DMD: variants seen among roughly 807,000 people sequenced by gnomAD.
The protein encoded by DMD is dystrophin.
Under a neutral mutation model 330.1 loss-of-function variants are expected in DMD, and 63 were observed. The ratio of observed to expected loss-of-function variants is 0.19; its 90% confidence interval spans 0.16 to 0.24. The LOEUF (loss-of-function observed/expected upper bound fraction) is 0.24, where lower values mean the gene tolerates loss of function less well. DMD is among the 10% of genes least tolerant of loss of function. The pLI is 1.00. For synonymous variants in DMD, 1,223 were observed against 959.8 expected (o/e 1.27, Z -5.07); for missense variants, 3,344 against 2,684.1 (o/e 1.25, Z -5.43).
At chrX:31,738,079 G>A (rs2087009438) in intron 51 of DMD, among the ~76,000 whole-genome samples, 1 of 111,909 alleles carries the variant, frequency 8.9e-6, no homozygotes, top group Non-Finnish European at 1.9e-5. Flanking sequence ...GAGGCTATAG[G>A]AGCAAAGCTT....
At chrX:32,935,119 C>T (rs2089903470) in intron 2 of DMD, among the ~76,000 whole-genome samples, 2 of 112,379 alleles carry the variant, frequency 1.8e-5, no homozygotes, top group East Asian at 2.8e-4. Flanking sequence ...GCTGGGACTA[C>T]AGGCGCCCGC....
chrX:32,730,958 G>A (rs903975374), intron 7 of DMD, among the ~76,000 whole-genome samples: 46 of 111,799 alleles, frequency 4.1e-4, no homozygotes, highest in Non-Finnish European at 8.3e-4. Flanking sequence ...CAGAGTGAGC[G>A]ACGCAGAAGA....
At chrX:31,245,317 C>T (rs1443643791) in intron 63 of DMD, among the ~76,000 whole-genome samples, 2 of 111,959 alleles carry the variant, frequency 1.8e-5, no homozygotes, top group African/African-American at 6.5e-5. Flanking sequence ...TCATCTGTAT[C>T]TTTCCATCTT....
chrX:31,659,644 A>G (rs2081004750), intron 53 of DMD, among the ~76,000 whole-genome samples: 2 of 78,964 alleles, frequency 2.5e-5, no homozygotes, highest in Admixed American at 1.6e-4. Context: ...TCTCGGAAAA[A>G]AAAAAAAAAA....
intron 41 of DMD, among the ~76,000 whole-genome samples, chrX:32,319,021 C>G (rs940181755): frequency 9.0e-6 from 1 of 111,619 alleles, no homozygotes; most frequent in African/African-American, 3.2e-5. Flanking sequence ...CAATTACTAT[C>G]AAATTAAGCT....
intron 47 of DMD, among the ~76,000 whole-genome samples, chrX:31,911,504 T>TC (rs2094546323): frequency 2.2e-5 from 2 of 91,557 alleles, no homozygotes; most frequent in East Asian, 5.6e-4. Flanking sequence ...TTTCTCACTT[T>TC]TTTTTTTTTT....
intron 9 of DMD, among the ~76,000 whole-genome samples, chrX:32,672,695 C>T (rs2061704761): frequency 9.1e-6 from 1 of 110,394 alleles, no homozygotes; most frequent in Admixed American, 9.8e-5. Context: ...CAGAGTTCTG[C>T]TTGACTGAGA....
intron 60 of DMD, among the ~76,000 whole-genome samples, chrX:31,424,344 T>G (rs2063586380): frequency 8.9e-6 from 1 of 111,930 alleles, no homozygotes; most frequent in South Asian, 3.7e-4. Context: ...GGTTCTAGAT[T>G]TTAATCGAGT....
intron 18 of DMD, among the ~76,000 whole-genome samples, chrX:32,504,767 G>C (rs1427176056): frequency 9.0e-6 from 1 of 111,315 alleles, no homozygotes; most frequent in African/African-American, 3.3e-5. Context: ...GAGTGGGGAG[G>C]GAGTGAGGGG....
intron 18 of DMD, among the ~76,000 whole-genome samples, chrX:32,512,336 T>C (rs1334297020): frequency 8.9e-6 from 1 of 112,350 alleles, no homozygotes; most frequent in African/African-American, 3.2e-5. Flanking sequence ...CATTTAACAT[T>C]CTATAATGAA....
intron 1 of DMD, among the ~76,000 whole-genome samples, chrX:33,267,836 A>G (rs1156706165): frequency 3.6e-5 from 4 of 111,831 alleles, no homozygotes; most frequent in African/African-American, 1.3e-4. Context: ...TGCCAGGATC[A>G]CTGGCTAGCC....
At chrX:32,356,279 C>A (rs1448748925) in intron 37 of DMD, among the ~76,000 whole-genome samples, 2 of 105,387 alleles carry the variant, frequency 1.9e-5, no homozygotes, top group Admixed American at 1.1e-4. Context: ...TTCTACATTA[C>A]ATGGGAAGGT....
chrX:33,123,681 T>G (rs113202906), intron 1 of DMD, among the ~76,000 whole-genome samples: 8,181 of 107,724 alleles, frequency 0.076, 861 homozygotes, highest in African/African-American at 0.26. Context: ...GCCTCCCAAA[T>G]TGCTGGGATT....
At chrX:31,165,018 A>G (rs1359773084) in intron 74 of DMD, among the ~76,000 whole-genome samples, 1 of 111,830 alleles carries the variant, frequency 8.9e-6, no homozygotes, top group Non-Finnish European at 1.9e-5. Context: ...CATTTTGGCC[A>G]TCTTTTCACC....
intron 38 of DMD, among the ~76,000 whole-genome samples, chrX:32,347,860 C>T (rs187086966): frequency 1.3e-4 from 15 of 111,735 alleles, no homozygotes; most frequent in Non-Finnish European, 2.3e-4. Flanking sequence ...TTGGGAAGAG[C>T]ACACATGGTC....
chrX:33,304,517 A>G (rs1306939115), intron 1 of DMD, among the ~76,000 whole-genome samples: 2 of 110,481 alleles, frequency 1.8e-5, no homozygotes, highest in African/African-American at 6.6e-5. Flanking sequence ...CAAGGACTTC[A>G]TGTCTAAAAC....
chrX:31,840,183 A>T (rs2093287966), intron 48 of DMD, among the ~76,000 whole-genome samples: 1 of 111,670 alleles, frequency 9.0e-6, no homozygotes, highest in Non-Finnish European at 1.9e-5. Flanking sequence ...ATACATTAAA[A>T]CCTTTTGCAC....
intron 44 of DMD, among the ~76,000 whole-genome samples, chrX:32,069,676 T>C (rs1485623038): frequency 8.9e-6 from 1 of 112,033 alleles, no homozygotes; most frequent in Non-Finnish European, 1.9e-5. Context: ...TTTAATTTTA[T>C]TTCACCAAAT....
chrX:33,320,188 T>G (rs924966129), intron 1 of DMD, among the ~76,000 whole-genome samples: 1 of 111,812 alleles, frequency 8.9e-6, no homozygotes, highest in African/African-American at 3.2e-5. Context: ...TGAGGCTCAA[T>G]TGTGATGGTA....
Sources: gnomAD v4.1 joint callset for allele counts (sites outside exome capture counted in the v4.1 genomes callset) on GRCh38, gnomAD v4.1.1 for gene constraint, MANE v1.5 for transcripts, NCBI Gene and HGNC (gene_info 2026-07-23, HGNC 2026-07-21) for gene names.